MDGA2: variants seen among roughly 807,000 people sequenced by gnomAD.
MDGA2 encodes MAM domain containing glycosylphosphatidylinositol anchor 2, also known as MAM domain-containing glycosylphosphatidylinositol anchor protein 2.
MDGA2 carries 40 observed loss-of-function variants against 117.8 expected under a neutral mutation model. That is an observed-to-expected ratio of 0.34 (90% CI 0.26 to 0.44). The LOEUF (loss-of-function observed/expected upper bound fraction) is 0.44. Among genes scored for constraint, MDGA2 ranks in the 20% least tolerant of loss-of-function variants. MDGA2 has a pLI of 1.00. For missense variants in MDGA2, 1,123 were observed against 1,250.6 expected (o/e 0.90, Z 1.54); for synonymous variants, 452 against 439.0 (o/e 1.03, Z -0.37).
At chr14:47,358,814 G>A (rs894759128) in intron 1 of MDGA2, among the ~76,000 whole-genome samples, 3 of 152,144 alleles carry the variant, frequency 2.0e-5, no homozygotes, top group African/African-American at 4.8e-5. Context: ...AATTGGAGAA[G>A]ACACAAATAT....
chr14:47,440,905 G>C (rs1276566833), intron 1 of MDGA2, among the ~76,000 whole-genome samples: 1 of 151,990 alleles, frequency 6.6e-6, no homozygotes, highest in Non-Finnish European at 1.5e-5. Context: ...TTAAATTCAA[G>C]GGTACAGCTA....
At chr14:47,343,139 C>G (rs764411945) in intron 1 of MDGA2, 40 of 1,185,350 alleles carry the variant, frequency 3.4e-5, no homozygotes, top group Non-Finnish European at 3.9e-5. Flanking sequence ...AATGAAACAG[C>G]TGAGGTTACT....
At chr14:46,891,893 C>A (rs999764810) in intron 10 of MDGA2, among the ~76,000 whole-genome samples, 1 of 151,060 alleles carries the variant, frequency 6.6e-6, no homozygotes, top group African/African-American at 2.4e-5. Flanking sequence ...TGAACTTTTG[C>A]AAGTTTCCTA....
intron 1 of MDGA2, among the ~76,000 whole-genome samples, chr14:47,510,650 C>T (rs1053736180): frequency 6.6e-6 from 1 of 152,156 alleles, no homozygotes; most frequent in Non-Finnish European, 1.5e-5. Flanking sequence ...AGACTGATAT[C>T]ACCTAGGTGA....
intron 7 of MDGA2, among the ~76,000 whole-genome samples, chr14:47,040,909 G>C (rs1889041988): frequency 6.6e-6 from 1 of 152,100 alleles, no homozygotes; most frequent in Non-Finnish European, 1.5e-5. Flanking sequence ...GTTTGGCACA[G>C]ATAAGAAAGT....
intron 15 of MDGA2, among the ~76,000 whole-genome samples, chr14:46,848,396 T>A (rs1880927330): frequency 6.6e-6 from 1 of 151,980 alleles, no homozygotes. Flanking sequence ...GTGAGATTTC[T>A]TTAAAAATCA....
At chr14:47,323,149 GATATATATATATATATATATATATATAT>G (rs58765297) in intron 1 of MDGA2, among the ~76,000 whole-genome samples, 47 of 107,538 alleles carry the variant, frequency 4.4e-4, no homozygotes, top group South Asian at 2.3e-3. Context: ...AAGAGTCATG[GATATATATATATATATATATATATATAT>G]ATATATATAT....
chr14:47,332,890 T>A (rs1566742650), intron 1 of MDGA2, among the ~76,000 whole-genome samples: 2 of 151,996 alleles, frequency 1.3e-5, no homozygotes, highest in Admixed American at 6.6e-5. Context: ...CTTCCACTAA[T>A]AAGTGAGAAC....
chr14:47,073,270 G>A (rs1324800564), intron 6 of MDGA2, among the ~76,000 whole-genome samples: 1 of 152,268 alleles, frequency 6.6e-6, no homozygotes, highest in East Asian at 1.9e-4. Flanking sequence ...AATGGTTTCT[G>A]GGAGAGTCAA....
intron 1 of MDGA2, among the ~76,000 whole-genome samples, chr14:47,504,162 G>A (rs773501688): frequency 7.2e-5 from 11 of 152,208 alleles, no homozygotes; most frequent in Middle Eastern, 3.4e-3. Context: ...AAATCTAAAT[G>A]AACTCTTTCA....
At chr14:47,265,633 T>C (rs1887940634) in intron 2 of MDGA2, among the ~76,000 whole-genome samples, 1 of 140,836 alleles carries the variant, frequency 7.1e-6, no homozygotes, top group Admixed American at 8.1e-5. Context: ...GTTTTGGGAA[T>C]GCATTAAAAA....
At chr14:47,284,835 ACTGT>A (rs1467065855) in intron 2 of MDGA2, among the ~76,000 whole-genome samples, 1 of 152,112 alleles carries the variant, frequency 6.6e-6, no homozygotes, top group Non-Finnish European at 1.5e-5. Flanking sequence ...TATATCTTTG[ACTGT>A]CTGCCTGTAC....
chr14:46,883,736 A>G (rs1882555863), intron 10 of MDGA2, among the ~76,000 whole-genome samples: 1 of 152,058 alleles, frequency 6.6e-6, no homozygotes, highest in African/African-American at 2.4e-5. Flanking sequence ...CATATAATTT[A>G]TTAGATGAGA....
At position 47,674,929 on chromosome 14, in the gene MDGA2, T is replaced by C. The variant is rs535481606; in HGVS notation, c.-133A>G. 1.0e-4 allele frequency: 53 copies of C among 507,988 alleles called. No individual in the cohort carries two copies. Among genetic ancestry groups the C allele is most frequent in the Non-Finnish European group, 1.6e-4 (46 of 293,294 alleles). The allele number at this position is 507,988 out of a possible 1,614,324, so 31.5% of individuals were successfully genotyped here. The stretch of plus-strand genomic sequence containing the variant: ...GCCGGGGAGGAGCAGGGGGCGGTGA[T>C]GGGAAGGGGAGCTGCGAGGCGAAGT... On this transcript the variant is annotated 5_prime_UTR_variant, in exon 1 of 17. Transcript: ENST00000399232.
chr14:47,032,415 G>T (rs1047672905), intron 8 of MDGA2, among the ~76,000 whole-genome samples: 1 of 151,826 alleles, frequency 6.6e-6, no homozygotes, highest in South Asian at 2.1e-4. Context: ...AGCATGACCC[G>T]GTCTCTACAC....
chr14:47,082,567 GT>G (rs1890747594), intron 6 of MDGA2, among the ~76,000 whole-genome samples: 1 of 151,920 alleles, frequency 6.6e-6, no homozygotes, highest in African/African-American at 2.4e-5. Context: ...GAATGAAACA[GT>G]AAGACTGTAC....
chr14:47,301,290 C>T, intron 2 of MDGA2, 121 bp downstream of exon 2: 1 of 956,064 alleles, frequency 1.0e-6, no homozygotes, highest in Non-Finnish European at 1.4e-6. Context: ...CACACCCACA[C>T]CCACCCACAC....
intron 1 of MDGA2, among the ~76,000 whole-genome samples, chr14:47,397,005 C>A (rs1007292930): frequency 6.6e-5 from 10 of 152,170 alleles, no homozygotes; most frequent in Admixed American, 5.9e-4. Context: ...GATTATAAAT[C>A]ATTCTACTAT....
chr14:47,272,328 A>G (rs1303921892), intron 2 of MDGA2, among the ~76,000 whole-genome samples: 1 of 152,162 alleles, frequency 6.6e-6, no homozygotes, highest in Non-Finnish European at 1.5e-5. Flanking sequence ...TAAAGGTCTT[A>G]CTGAAGGTTT....
Sources: allele counts gnomAD v4.1 joint callset (sites outside exome capture counted in the v4.1 genomes callset), GRCh38; gene constraint gnomAD v4.1.1; transcripts MANE v1.5; gene names NCBI Gene and HGNC (gene_info 2026-07-23, HGNC 2026-07-21).